CRACD: variants seen among roughly 807,000 people sequenced by gnomAD.
The protein encoded by CRACD is capping protein-inhibiting regulator of actin dynamics.
Under a neutral mutation model 106.8 loss-of-function variants are expected in CRACD, and 56 were observed. The observed-to-expected ratio is 0.52, with a 90% CI of 0.42 to 0.66. The LOEUF (loss-of-function observed/expected upper bound fraction) is 0.66, where lower values mean the gene tolerates loss of function less well. Ranked by LOEUF, CRACD falls within the 30% of genes least tolerant of loss-of-function variation. The pLI is 0.00. For missense variants in CRACD, 1,730 were observed against 1,623.2 expected (o/e 1.07, Z -1.13); for synonymous variants, 754 against 670.8 (o/e 1.12, Z -1.92).
chr4:56,125,486 A>G lies in CRACD; in HGVS notation c.-335-53798A>G, dbSNP rs374274841. ...ATGGTGCAGATGGTGCAAATGGTGC[A>G]TGGCTCACTGCATCCTCAACCTCCT... On this transcript the variant is annotated intron_variant, in intron 1 of 10. Coordinates refer to ENST00000682029, the MANE Select transcript of CRACD (RefSeq NM_001393381.1). Among the ~76,000 whole-genome samples, 5 of 152,092 alleles carry G rather than the reference A, an allele frequency of 3.3e-5. No individual in the cohort carries two copies. In the East Asian group the frequency reaches 7.7e-4, roughly 24 times the overall value.
chr4:56,173,207 C>T (rs1736451271), intron 1 of CRACD, among the ~76,000 whole-genome samples: 1 of 152,220 alleles, frequency 6.6e-6, no homozygotes, highest in Non-Finnish European at 1.5e-5. Flanking sequence ...AAGAAGTTTA[C>T]CTTTGACTAT....
chr4:56,236,176 G>C (rs1377735324), intron 2 of CRACD, among the ~76,000 whole-genome samples: 1 of 152,176 alleles, frequency 6.6e-6, no homozygotes, highest in Non-Finnish European at 1.5e-5. Flanking sequence ...TTAAAAGGGG[G>C]ACTTTGGAGA....
At position 56,169,712 on chromosome 4, in the gene CRACD, C is replaced by T. The variant is rs550625458; in HGVS notation, c.-335-9572C>T. On this transcript the variant is annotated intron_variant, in intron 1 of 10. Transcript: ENST00000682029. ...GGGGTTTTGCCATGTTGCTCAGGCT[C>T]GTCTCGAACTCCTGAGCTCAAGCCA... Among the ~76,000 whole-genome samples, 39 of 152,128 alleles carry T rather than the reference C, an allele frequency of 2.6e-4. No individual in the cohort carries two copies. The South Asian group carries it at 7.7e-3, about 30-fold the overall frequency.
intron 1 of CRACD, among the ~76,000 whole-genome samples, chr4:56,076,308 C>T (rs1196832782): frequency 6.6e-6 from 1 of 152,156 alleles, no homozygotes; most frequent in Non-Finnish European, 1.5e-5. Context: ...GTTGAAGCTT[C>T]CCATTCTGTG....
chr4:56,256,766 G>C (rs975769219), intron 2 of CRACD, among the ~76,000 whole-genome samples: 1 of 152,146 alleles, frequency 6.6e-6, no homozygotes, highest in African/African-American at 2.4e-5. Context: ...GCCCATATCT[G>C]TGGAATGTAA....
At chr4:56,159,930 C>T (rs972168314) in intron 1 of CRACD, among the ~76,000 whole-genome samples, 30 of 147,746 alleles carry the variant, frequency 2.0e-4, no homozygotes, top group Non-Finnish European at 3.3e-4. Flanking sequence ...TACAGGCATG[C>T]GCCACCACGC....
chr4:56,302,500 C>T (rs1744426708), intron 4 of CRACD, among the ~76,000 whole-genome samples: 1 of 152,160 alleles, frequency 6.6e-6, no homozygotes, highest in African/African-American at 2.4e-5. Flanking sequence ...CTTGTATCTC[C>T]CACCGAGCTG....
At chr4:56,264,469 G>A (rs114080270) in intron 2 of CRACD, among the ~76,000 whole-genome samples, 39,722 of 151,988 alleles carry the variant, frequency 0.26, 5,324 homozygotes, top group African/African-American at 0.27. Context: ...ATATGCCATA[G>A]CCTATGTACC....
chr4:56,292,759 C>T (rs370777206), intron 3 of CRACD, among the ~76,000 whole-genome samples: 2 of 152,110 alleles, frequency 1.3e-5, no homozygotes, highest in South Asian at 2.1e-4. Context: ...CTCTTGACCT[C>T]GTGATCCACC....
At chr4:56,281,825 A>G (rs1422121890) in intron 3 of CRACD, among the ~76,000 whole-genome samples, 4 of 152,174 alleles carry the variant, frequency 2.6e-5, no homozygotes, top group Non-Finnish European at 5.9e-5. Flanking sequence ...GTGGTGTCTT[A>G]GGACTGAGCT....
intron 1 of CRACD, among the ~76,000 whole-genome samples, chr4:56,085,874 T>G (rs553670191): frequency 6.6e-6 from 1 of 152,322 alleles, no homozygotes; most frequent in East Asian, 1.9e-4. Flanking sequence ...CAAGAGTTAT[T>G]TATTTATCTT....
At chr4:56,107,442 A>C (rs1275513754) in intron 1 of CRACD, among the ~76,000 whole-genome samples, 1 of 152,132 alleles carries the variant, frequency 6.6e-6, no homozygotes, top group Non-Finnish European at 1.5e-5. Flanking sequence ...ATGCTTAGTA[A>C]ATTTTAGCTA....
chr4:56,241,494 T>C (rs1740364158), intron 2 of CRACD, among the ~76,000 whole-genome samples: 1 of 152,078 alleles, frequency 6.6e-6, no homozygotes, highest in African/African-American at 2.4e-5. Flanking sequence ...GGACTTCTGT[T>C]TCTCTTTGGA....
intron 1 of CRACD, among the ~76,000 whole-genome samples, chr4:56,118,464 G>T (rs184994452): frequency 2.8e-4 from 43 of 152,334 alleles, no homozygotes; most frequent in African/African-American, 1.0e-3. Flanking sequence ...GTGAGTAAGT[G>T]GGGCAGTCGA....
intron 2 of CRACD, among the ~76,000 whole-genome samples, chr4:56,249,680 G>C (rs543135143): frequency 7.9e-5 from 12 of 152,280 alleles, no homozygotes; most frequent in Non-Finnish European, 1.8e-4. Flanking sequence ...TGGAGAAAGG[G>C]AGATGCCTCC....
chr4:56,052,433 G>A (rs1432826299), intron 1 of CRACD, among the ~76,000 whole-genome samples: 1 of 152,130 alleles, frequency 6.6e-6, no homozygotes, highest in Non-Finnish European at 1.5e-5. Context: ...AGGATAATCA[G>A]GTTAAGTGCA....
chr4:56,121,003 A>G (rs1734465057), intron 1 of CRACD, among the ~76,000 whole-genome samples: 1 of 152,204 alleles, frequency 6.6e-6, no homozygotes, highest in Non-Finnish European at 1.5e-5. Flanking sequence ...TTTTTAAACT[A>G]CTGCTGATTA....
chr4:56,152,957 A>G (rs1333533974), intron 1 of CRACD, among the ~76,000 whole-genome samples: 2 of 152,106 alleles, frequency 1.3e-5, no homozygotes, highest in African/African-American at 4.8e-5. Flanking sequence ...TGGATATCTT[A>G]TAGGAATCTT....
intron 1 of CRACD, among the ~76,000 whole-genome samples, chr4:56,102,038 T>C (rs1733790782): frequency 6.6e-6 from 1 of 152,196 alleles, no homozygotes; most frequent in Admixed American, 6.5e-5. Context: ...AAAATGATGC[T>C]ACTGTGAATA....
Sources: allele counts gnomAD v4.1 joint callset (sites outside exome capture counted in the v4.1 genomes callset), GRCh38; gene constraint gnomAD v4.1.1; transcripts MANE v1.5; gene names NCBI Gene and HGNC (gene_info 2026-07-23, HGNC 2026-07-21).